Variants in CFAP74 observed in about 807,000 individuals in gnomAD.
CFAP74 encodes cilia- and flagella-associated protein 74.
CFAP74 carries 124 observed loss-of-function variants against 188.9 expected under a neutral mutation model. The ratio of observed to expected loss-of-function variants is 0.66; its 90% CI spans 0.57 to 0.76. CFAP74 has a LOEUF of 0.76. Ranked by LOEUF, CFAP74 falls within the 30% of genes least tolerant of loss-of-function variation. The pLI is 0.00. For synonymous variants in CFAP74, 956 were observed against 916.7 expected, an observed-to-expected ratio of 1.04 and a Z score of -0.77; for missense variants, 2,198 against 2,165.2, an observed-to-expected ratio of 1.02 and a Z score of -0.30.
intron 10 of CFAP74, among the ~76,000 whole-genome samples, chr1:1,969,120 C>G (rs926263689): frequency 7.9e-5 from 12 of 152,088 alleles, no homozygotes; most frequent in African/African-American, 2.2e-4. Context: ...CAGGCTTAAA[C>G]CCCAGCCCTG....
At position 2,002,693 on chromosome 1, in the gene CFAP74, A is replaced by G. The variant is rs576588889; in HGVS notation, c.-20+1008T>C. On this transcript the variant is annotated intron_variant, in intron 1 of 38. Transcript: ENST00000682832. ...TCAAAAAAACAAAAATTTAAAGAATATATGTAGTATTATATGAAGTTTAAT... is the reference window on the plus strand; with the variant it reads ...TCAAAAAAACAAAAATTTAAAGAATGTATGTAGTATTATATGAAGTTTAAT... Among the ~76,000 whole-genome samples the G allele has an allele frequency of 5.3e-5, 8 of 150,642 alleles. No individual in the cohort carries two copies. The South Asian group carries it at 1.7e-3, about 31-fold the overall frequency.
chr1:1,956,232 C>T (rs949710019), intron 17 of CFAP74, among the ~76,000 whole-genome samples: 6 of 152,350 alleles, frequency 3.9e-5, no homozygotes, highest in East Asian at 1.9e-4. Flanking sequence ...GGACAAGACG[C>T]GCTCACACTT....
chr1:1,940,172 CCT>C, intron 23 of CFAP74, 142 bp downstream of exon 23: 1 of 678,432 alleles, frequency 1.5e-6, no homozygotes. Context: ...CAGGCAAGCC[CCT>C]CTGGCCGCTA....
At chr1:1,971,881 C>A in intron 9 of CFAP74, 99 bp downstream of exon 9, 1 of 923,044 alleles carries the variant, frequency 1.1e-6, no homozygotes, top group Non-Finnish European at 1.7e-6. Context: ...CAGCCCTGGA[C>A]GCCAGAGGAC....
Position 1,936,061 on chromosome 1 carries a change from T to TA in CFAP74, c.3011+2793dup, listed in dbSNP as rs1441034580. Among the ~76,000 whole-genome samples the TA allele has an allele frequency of 2.0e-5, 3 of 150,620 alleles. No homozygotes were observed. The East Asian group carries it at 5.9e-4, about 29-fold the overall frequency. ...GGAGAAACCCTGTCACTACTAAAAATACAAAATTATCTGGGCGTGGTGGCG... is the reference window on the plus strand; with the variant it reads ...GGAGAAACCCTGTCACTACTAAAAATAACAAAATTATCTGGGCGTGGTGGCG... On this transcript the variant is annotated intron_variant, in intron 25 of 38. Coordinates refer to ENST00000682832, the MANE Select transcript of CFAP74 (RefSeq NM_001304360.2).
intron 20 of CFAP74, 48 bp from the exon 21 acceptor site, chr1:1,944,500 C>A: frequency 6.6e-7 from 1 of 1,525,688 alleles, no homozygotes; most frequent in East Asian, 2.5e-5. Context: ...TTGGGCACAG[C>A]AGGCATTGTT....
At position 1,959,914 on chromosome 1, in the gene CFAP74, C is replaced by T. The variant is rs1218457374; in HGVS notation, c.1761+50G>A. 2.7e-6 allele frequency: 4 copies of T among 1,494,586 alleles called. No homozygotes were observed. In the African/African-American group the frequency reaches 5.8e-5, roughly 22 times the overall value. 92.6% of individuals were successfully genotyped at this position (1,494,586 alleles called of 1,614,324 possible). ...GCGCCACCATGCCCGATCACAGGCT[C>T]CACCCACCACCACCTCCCCTTCGAG... On this transcript the variant is annotated intron_variant, in intron 15 of 38. Coordinates refer to ENST00000682832, the MANE Select transcript of CFAP74 (RefSeq NM_001304360.2).
Position 1,975,840 on chromosome 1 carries a change from AGTGGCCGTG to A in CFAP74, c.501-1651_501-1643del, listed in dbSNP as rs1365621524. Among the ~76,000 whole-genome samples, 7 of 152,082 alleles carry A rather than the reference AGTGGCCGTG, an allele frequency of 4.6e-5. No individual in the cohort carries two copies. Among genetic ancestry groups the A allele is most frequent in the Non-Finnish European group, 8.8e-5 (6 of 68,014 alleles). On this transcript the variant is annotated intron_variant, in intron 6 of 38. Transcript: ENST00000682832. This position sits in a 1 kb window ranked among gnomAD's most constrained non-coding sequence, Gnocchi z 4.5. Reference sequence around the variant, plus strand: ...TCCCCTGCCCGGTGATCAGTGCTCCAGTGGCCGTGGGAGCTAACAGCCTGCAGGGTCTCT... The same window carrying A: ...TCCCCTGCCCGGTGATCAGTGCTCCAGGAGCTAACAGCCTGCAGGGTCTCT...
chr1:1,971,680 G>A (rs1203967866), intron 9 of CFAP74, among the ~76,000 whole-genome samples: 2 of 152,162 alleles, frequency 1.3e-5, no homozygotes, highest in Non-Finnish European at 2.9e-5. Context: ...GCATGGCCTC[G>A]AGGCACCCAG....
rs750556252 is a variant in CFAP74 at position 1,927,743 on chromosome 1, G to A, written c.3391C>T (p.Arg1131Ter). 1.2e-5 allele frequency: 19 copies of A among 1,549,642 alleles called. No individual in the cohort carries two copies. The highest frequency in any genetic ancestry group is 7.3e-5 in the East Asian group (3 of 40,934). Residue 1131 changes from arginine (R) to a stop codon, truncating the protein, a stop_gained, in exon 28 of 39, where the codon CGA becomes TGA. Transcript: ENST00000682832. LOFTEE classifies it high-confidence loss of function. ...TTCCTCTGGGGGGCCATATTCTTTCGGAACTGTGGGGGGAGCGACTGGCTG... is the reference window on the plus strand; with the variant it reads ...TTCCTCTGGGGGGCCATATTCTTTCAGAACTGTGGGGGGAGCGACTGGCTG... ...LNKEMETKSFRKNMAPQRKDL... is the reference protein window; with the variant it reads ...LNKEMETKSF
At position 1,954,894 on chromosome 1, in the gene CFAP74, G is replaced by A. The variant is rs927467088; in HGVS notation, c.2176+797C>T. The A allele has an allele frequency of 3.5e-6, 4 of 1,159,142 alleles. No homozygotes were observed. The African/African-American group carries it at 5.6e-5, about 16-fold the overall frequency. 71.8% of individuals were successfully genotyped at this position (1,159,142 alleles called of 1,614,324 possible). ...GTGGGAACTCACACACAGGCCAAGG[G>A]GCAGTGCAGAACGGCCTTCGCAACA... On this transcript the variant is annotated intron_variant, in intron 18 of 38. Coordinates refer to ENST00000682832, the MANE Select transcript of CFAP74 (RefSeq NM_001304360.2).
chr1:1,993,094 G>A (rs1205762878), intron 1 of CFAP74, among the ~76,000 whole-genome samples: 1 of 150,754 alleles, frequency 6.6e-6, no homozygotes, highest in East Asian at 2.0e-4. Context: ...CCAGCTACTT[G>A]GGAGGCTGAG....
rs1658280144 is a variant in CFAP74 at position 2,002,998 on chromosome 1, T to C, written c.-20+703A>G. On this transcript the variant is annotated intron_variant, in intron 1 of 38. Transcript: ENST00000682832. ...GTTAACTATATTGTTTAGGGACGCATGCATAGGTAGTAAAACTAAAGAAAA... is the reference window on the plus strand; with the variant it reads ...GTTAACTATATTGTTTAGGGACGCACGCATAGGTAGTAAAACTAAAGAAAA... Among the ~76,000 whole-genome samples, 4 of 152,084 alleles carry C rather than the reference T, an allele frequency of 2.6e-5. No individual in the cohort carries two copies. In the South Asian group the frequency reaches 8.3e-4, roughly 32 times the overall value.
intron 6 of CFAP74, among the ~76,000 whole-genome samples, chr1:1,982,768 A>T (rs1656989520): frequency 6.6e-6 from 1 of 152,188 alleles, no homozygotes; most frequent in Non-Finnish European, 1.5e-5. Flanking sequence ...ACCTGCCCGA[A>T]ATGAGGGTGG....
At chr1:1,988,271 G>C in intron 4 of CFAP74, 1 of 651,004 alleles carries the variant, frequency 1.5e-6, no homozygotes. Context: ...TGGCAACTCT[G>C]GGTGGCGCTG....
intron 26 of CFAP74, 39 bp from the exon 27 acceptor site, chr1:1,928,921 C>T (rs1167567630): frequency 1.4e-6 from 2 of 1,394,118 alleles, no homozygotes; most frequent in East Asian, 2.5e-5. Flanking sequence ...GTTGCCACTT[C>T]CCTCCACCTC....
At chr1:1,922,866 G>A in intron 37 of CFAP74, 119 bp downstream of exon 37, 1 of 1,489,148 alleles carries the variant, frequency 6.7e-7, no homozygotes, top group Non-Finnish European at 9.0e-7. Context: ...GGAAGTCCGA[G>A]AAAAGCCCGG....
At chr1:1,955,480 A>T in intron 18 of CFAP74, 1 of 1,583,080 alleles carries the variant, frequency 6.3e-7, no homozygotes, top group Non-Finnish European at 8.6e-7. Flanking sequence ...GTCTTCGGTT[A>T]GCGTCAACGT....
intron 6 of CFAP74, among the ~76,000 whole-genome samples, chr1:1,976,908 C>T (rs527832033): frequency 4.0e-5 from 6 of 151,420 alleles, no homozygotes; most frequent in East Asian, 3.9e-4. Flanking sequence ...TACAGTGGTG[C>T]GGTCTCAGCT....
Sources: gnomAD v4.1 joint callset for allele counts (sites outside exome capture counted in the v4.1 genomes callset) on GRCh38, gnomAD v4.1.1 for gene constraint, Gnocchi (gnomAD v3.1) non-coding constraint, MANE v1.5 for transcripts, NCBI Gene and HGNC (gene_info 2026-07-23, HGNC 2026-07-21) for gene names.